Variants in FAM168B observed in about 807,000 individuals in gnomAD.
FAM168B encodes the protein myelin-associated neurite-outgrowth inhibitor.
In FAM168B, 19 loss-of-function variants were observed where a neutral mutation model predicts 21.8. The observed-to-expected ratio is 0.87, with a 90% CI of 0.61 to 1.28. The LOEUF (loss-of-function observed/expected upper bound fraction) is 1.28. Ranked by LOEUF, FAM168B falls within the 50% of genes most tolerant of loss-of-function variation. FAM168B has a pLI of 0.00. For synonymous variants in FAM168B, 126 were observed against 104.8 expected, an observed-to-expected ratio of 1.20 and a Z score of -1.24; for missense variants, 233 against 263.1, an observed-to-expected ratio of 0.89 and a Z score of 0.79.
At chr2:131,067,484 T>C (rs1181314357) in intron 3 of FAM168B, among the ~76,000 whole-genome samples, 1 of 152,224 alleles carries the variant, frequency 6.6e-6, no homozygotes, top group Non-Finnish European at 1.5e-5. Context: ...CTCACTCCTG[T>C]AATCCCAACA....
rs1691769278 is a variant in FAM168B, at chr2:131,052,892, T to C, written c.*11A>G. On this transcript the variant is annotated splice_region_variant and 3_prime_UTR_variant, in exon 6 of 7. Coordinates refer to ENST00000389915, the MANE Select transcript of FAM168B (RefSeq NM_001009993.4). ...GCCCAGCCTTCCCTGGTCACTTACATTTGCAGGTGATCACCACTGAGGGGG... is the reference window on the plus strand; with the variant it reads ...GCCCAGCCTTCCCTGGTCACTTACACTTGCAGGTGATCACCACTGAGGGGG... 1 of 1,551,252 alleles carries C rather than the reference T, an allele frequency of 6.4e-7. No individual in the cohort carries two copies. Among genetic ancestry groups the C allele is most frequent in the Non-Finnish European group, 8.7e-7 (1 of 1,146,668 alleles).
intron 2 of FAM168B, among the ~76,000 whole-genome samples, chr2:131,077,856 C>T (rs1693237054): frequency 6.6e-6 from 1 of 152,154 alleles, no homozygotes; most frequent in South Asian, 2.1e-4. Context: ...GCAGAGTTTT[C>T]CTTACTCCCC....
intron 3 of FAM168B, among the ~76,000 whole-genome samples, chr2:131,056,829 G>A (rs921688308): frequency 7.9e-5 from 12 of 152,052 alleles, no homozygotes; most frequent in African/African-American, 2.9e-4. Context: ...AAGGACACAT[G>A]CTGGATGCAT....
Position 131,089,044 on chromosome 2 carries a change from G to A in FAM168B, c.-12+4170C>T, listed in dbSNP as rs559303062. Reference sequence around the variant, plus strand: ...TGCAATGGCGCGATCTCAGCTCACCGCAACTTCTGACTCCCAGGTTCAAGC... The same window carrying A: ...TGCAATGGCGCGATCTCAGCTCACCACAACTTCTGACTCCCAGGTTCAAGC... On this transcript the variant is annotated intron_variant, in intron 1 of 6. Coordinates refer to ENST00000389915, the MANE Select transcript of FAM168B (RefSeq NM_001009993.4). Among the ~76,000 whole-genome samples, 8 of 150,138 alleles carry A rather than the reference G, an allele frequency of 5.3e-5. No individual in the cohort carries two copies. In the South Asian group the frequency reaches 1.5e-3, roughly 28 times the overall value.
chr2:131,071,715 AC>A, intron 3 of FAM168B, 139 bp downstream of exon 3: 1 of 694,632 alleles, frequency 1.4e-6, no homozygotes. Context: ...CTTTTGTTGC[AC>A]TTATCAACAG....
chr2:131,077,563 C>T (rs1434691240), intron 2 of FAM168B, among the ~76,000 whole-genome samples: 1 of 152,220 alleles, frequency 6.6e-6, no homozygotes, highest in Middle Eastern at 3.2e-3. Context: ...TCCCAGTGTC[C>T]ACTACCATTT....
At chr2:131,075,367 C>T (rs1693091305) in intron 2 of FAM168B, among the ~76,000 whole-genome samples, 1 of 151,992 alleles carries the variant, frequency 6.6e-6, no homozygotes, top group African/African-American at 2.4e-5. Context: ...TTCCTCATCT[C>T]TCCCTAAAAC....
chr2:131,087,776 C>G (rs954546185), intron 1 of FAM168B, among the ~76,000 whole-genome samples: 1 of 152,206 alleles, frequency 6.6e-6, no homozygotes, highest in Non-Finnish European at 1.5e-5. Flanking sequence ...CAATTCCACT[C>G]CTAGGTACAT....
chr2:131,054,509 A>T (rs1205320669), intron 5 of FAM168B, among the ~76,000 whole-genome samples: 1 of 152,340 alleles, frequency 6.6e-6, no homozygotes, highest in African/African-American at 2.4e-5. Context: ...AGCACACATA[A>T]TAACCCGGAA....
chr2:131,051,903 C>G lies in FAM168B; in HGVS notation c.*562G>C. On this transcript the variant is annotated 3_prime_UTR_variant, in exon 7 of 7. Transcript: ENST00000389915. ...CCCAGGACAGTCAGTGCCAAAGAAA[C>G]AGGTCGCTGAAAACTAAAATGTCCA... 1 of 985,456 alleles carries G rather than the reference C, an allele frequency of 1.0e-6. No homozygotes were observed. Among genetic ancestry groups the G allele is most frequent in the Non-Finnish European group, 1.2e-6 (1 of 829,938 alleles). The allele number at this position is 985,456 out of a possible 1,614,324, so 61.0% of individuals were successfully genotyped here. A position where few individuals can be genotyped will look rare whatever the true frequency, so the allele number is the denominator to read the frequency against.
chr2:131,076,447 G>A (rs1693157112), intron 2 of FAM168B, among the ~76,000 whole-genome samples: 1 of 151,902 alleles, frequency 6.6e-6, no homozygotes, highest in Non-Finnish European at 1.5e-5. Context: ...GGATCACGAG[G>A]TCAGGAGATT....
At chr2:131,065,058 T>C (rs1042537262) in intron 3 of FAM168B, among the ~76,000 whole-genome samples, 5 of 152,162 alleles carry the variant, frequency 3.3e-5, no homozygotes, top group African/African-American at 7.2e-5. Context: ...ACAGTGCTGA[T>C]GCGGCCACAA....
At chr2:131,064,513 A>G (rs1049166069) in intron 3 of FAM168B, among the ~76,000 whole-genome samples, 4 of 152,166 alleles carry the variant, frequency 2.6e-5, no homozygotes, top group African/African-American at 9.7e-5. Flanking sequence ...GCCATTGAGC[A>G]AACACCCGAA....
intron 2 of FAM168B, among the ~76,000 whole-genome samples, chr2:131,072,615 C>A (rs1027997623): frequency 6.6e-6 from 1 of 152,016 alleles, no homozygotes; most frequent in African/African-American, 2.4e-5. Context: ...TCTACCACCA[C>A]GCCCAGCTAA....
intron 2 of FAM168B, among the ~76,000 whole-genome samples, chr2:131,078,957 G>A (rs896557893): frequency 3.4e-4 from 51 of 151,228 alleles, no homozygotes; most frequent in South Asian, 1.0e-3. Flanking sequence ...ACTGCACTGG[G>A]GCCTGAATGA....
In FAM168B at chr2:131,084,606, G is replaced by T. The variant is rs115279177; in HGVS notation, c.-11-1949C>A. ...ATCCATTCAATGTTTTATCATCCAT[G>T]GATCTTTCTTTTTCCTGACAAGTTC... On this transcript the variant is annotated intron_variant, in intron 1 of 6. Transcript: ENST00000389915. Among the ~76,000 whole-genome samples, 820 of 152,112 alleles carry T rather than the reference G, an allele frequency of 5.4e-3. 6 individuals carry two copies. The highest frequency in any genetic ancestry group is 0.018 in the African/African-American group (751 of 41,492).
chr2:131,089,590 T>C (rs1231434008), intron 1 of FAM168B, among the ~76,000 whole-genome samples: 4 of 149,040 alleles, frequency 2.7e-5, no homozygotes, highest in African/African-American at 9.9e-5. Flanking sequence ...AAAAAGAAAA[T>C]TAGCCACTCA....
At chr2:131,085,187 G>A (rs769956426) in intron 1 of FAM168B, among the ~76,000 whole-genome samples, 2 of 152,154 alleles carry the variant, frequency 1.3e-5, no homozygotes, top group African/African-American at 2.4e-5. Context: ...TTTAGGCTGA[G>A]TACAATGGCT....
intron 5 of FAM168B, among the ~76,000 whole-genome samples, chr2:131,054,076 G>A (rs1305211671): frequency 6.6e-6 from 1 of 151,792 alleles, no homozygotes; most frequent in Non-Finnish European, 1.5e-5. Context: ...AGGCATGGTG[G>A]CAGGCGCCTG....
Sources: gnomAD v4.1 joint callset for allele counts (sites outside exome capture counted in the v4.1 genomes callset) on GRCh38, gnomAD v4.1.1 for gene constraint, MANE v1.5 for transcripts, NCBI Gene and HGNC (gene_info 2026-07-23, HGNC 2026-07-21) for gene names.